Variants in LRRC9 observed in about 807,000 individuals in gnomAD.
LRRC9 encodes the protein leucine-rich repeat-containing protein 9.
A neutral mutation model predicts 63.2 loss-of-function variants in LRRC9; 122 were observed. That is an observed-to-expected ratio of 1.93 (90% confidence interval 1.67 to 2.24). The LOEUF is 2.24. LRRC9 is among the 30% of genes most tolerant of loss of function. LRRC9 has a pLI of 0.00. For missense variants in LRRC9, 1,071 were observed against 627.7 expected (o/e 1.71, Z -7.55); for synonymous variants, 366 against 213.1 (o/e 1.72, Z -6.25).
At chr14:59,953,793 G>T (rs1292570948) in intron 8 of LRRC9, among the ~76,000 whole-genome samples, 2 of 152,064 alleles carry the variant, frequency 1.3e-5, no homozygotes, top group African/African-American at 4.8e-5. Flanking sequence ...TATGGTTTTG[G>T]GTTTTACATT....
chr14:60,019,297 G>A (rs1041094495), intron 26 of LRRC9, 37 bp downstream of exon 26: 1 of 656,172 alleles, frequency 1.5e-6, no homozygotes, highest in African/African-American at 1.8e-5. Context: ...AACTAATTTT[G>A]GCTGGGAATT....
At chr14:59,993,904 C>T (rs925503663) in intron 17 of LRRC9, among the ~76,000 whole-genome samples, 1 of 152,110 alleles carries the variant, frequency 6.6e-6, no homozygotes, top group Admixed American at 6.5e-5. Flanking sequence ...GACAGATCAA[C>T]AAGACAGAAA....
rs1036207648 is a variant in LRRC9, at chr14:59,932,055, ATAAT to A, written c.543+22_543+25del. ...TTCTTTCAAGGTATGTTTAAGTGGA[ATAAT>A]TAATTTTTATTTATCATCCTGAATC... On this transcript the variant is annotated intron_variant, in intron 6 of 31. Coordinates refer to ENST00000445360, the Ensembl canonical transcript of LRRC9. The surrounding 1 kb of genome is among the most constrained non-coding windows in gnomAD (Gnocchi z 4.7). The A allele has an allele frequency of 1.0e-5, 7 of 693,590 alleles. No homozygotes were observed. The African/African-American group carries it at 1.1e-4, about 11-fold the overall frequency. The allele number at this position is 693,590 out of a possible 1,614,324, so 43.0% of individuals were successfully genotyped here. A position where few individuals can be genotyped will look rare whatever the true frequency, so the allele number is the denominator to read the frequency against.
At chr14:59,997,956 T>C in intron 18 of LRRC9, 109 bp downstream of exon 18, 2 of 564,446 alleles carry the variant, frequency 3.5e-6, no homozygotes, top group Non-Finnish European at 6.3e-6. Context: ...TATCTTCGTT[T>C]TTCTAGACTT....
downstream of LRRC9, among the ~76,000 whole-genome samples, chr14:60,066,267 A>G (rs1032085463): frequency 6.6e-6 from 1 of 151,910 alleles, no homozygotes; most frequent in Non-Finnish European, 1.5e-5. Flanking sequence ...TAACCCTTAT[A>G]TTTAAGTAAC....
At chr14:59,925,921 C>T (rs1469310798) in intron 1 of LRRC9, among the ~76,000 whole-genome samples, 3 of 152,118 alleles carry the variant, frequency 2.0e-5, no homozygotes, top group Non-Finnish European at 4.4e-5. Flanking sequence ...GGCAGTTTCC[C>T]CCATGTGTTC....
chr14:59,994,343 T>C (rs1189896151), intron 17 of LRRC9, among the ~76,000 whole-genome samples: 2 of 152,122 alleles, frequency 1.3e-5, no homozygotes, highest in Non-Finnish European at 2.9e-5. Flanking sequence ...ATGGCGATCA[T>C]TAAAAAGTCA....
intron 10 of LRRC9, among the ~76,000 whole-genome samples, chr14:59,965,806 C>A (rs1395797872): frequency 7.4e-6 from 1 of 134,896 alleles, no homozygotes; most frequent in Non-Finnish European, 1.5e-5. Flanking sequence ...TGGCGTGAAC[C>A]CGGGAGGCGG....
At chr14:60,025,655 G>T (rs1478687201) in intron 27 of LRRC9, among the ~76,000 whole-genome samples, 1 of 148,500 alleles carries the variant, frequency 6.7e-6, no homozygotes, top group East Asian at 2.0e-4. Context: ...ACTCTACATG[G>T]TAAGGATTGT....
In LRRC9 at chr14:60,053,204, C is replaced by T. The variant is rs1013653780; in HGVS notation, c.4130C>T (p.Ser1377Leu). The change falls in exon 30 of 32, where the codon TCG (serine) becomes TTG (leucine). Residue 1377 changes from serine to leucine, a missense_variant and splice_region_variant. By Grantham distance (145) the Ser-to-Leu change is moderately radical (BLOSUM62 -2). Transcript: ENST00000445360. The surrounding 1 kb of genome is among the most constrained non-coding windows in gnomAD (Gnocchi z 4.8). ...GCTGAACTACAAGCAAAGAAAAACT[C>T]GGTAATAATTATATTATTTACAATT... 7 of 695,768 alleles carry T rather than the reference C, an allele frequency of 1.0e-5. No homozygotes were observed. Among genetic ancestry groups the T allele is most frequent in the East Asian group, 2.7e-5 (1 of 37,216 alleles). The allele number at this position is 695,768 out of a possible 1,614,324, so 43.1% of individuals were successfully genotyped here.
intron 12 of LRRC9, among the ~76,000 whole-genome samples, chr14:59,974,217 TATA>T (rs1265384631): frequency 6.6e-6 from 1 of 152,100 alleles, no homozygotes; most frequent in African/African-American, 2.4e-5. Context: ...TCTTCACTGA[TATA>T]ATACCTCATT....
intron 29 of LRRC9, among the ~76,000 whole-genome samples, chr14:60,032,617 C>T (rs1361421060): frequency 6.6e-6 from 1 of 152,112 alleles, no homozygotes; most frequent in Non-Finnish European, 1.5e-5. Flanking sequence ...CACCCTTGTT[C>T]ACCCAATTTC....
At chr14:59,975,696 CAT>C (rs1449183214) in intron 13 of LRRC9, among the ~76,000 whole-genome samples, 1 of 152,134 alleles carries the variant, frequency 6.6e-6, no homozygotes, top group African/African-American at 2.4e-5. Flanking sequence ...TTAATAATCA[CAT>C]AAATATAAAA....
At chr14:60,008,339 C>A (rs1889983089) in intron 23 of LRRC9, 125 bp downstream of exon 23, 1 of 496,218 alleles carries the variant, frequency 2.0e-6, no homozygotes, top group African/African-American at 2.0e-5. Context: ...CTTATTAAAT[C>A]TAGGTCTCCA....
chr14:60,041,640 G>A (rs1007911531), intron 29 of LRRC9, among the ~76,000 whole-genome samples: 12 of 152,106 alleles, frequency 7.9e-5, no homozygotes, highest in South Asian at 2.1e-4. Context: ...TTAGCCATTC[G>A]TCTAATCCTT....
chr14:60,041,431 C>T (rs1017651951), intron 29 of LRRC9, among the ~76,000 whole-genome samples: 1 of 152,166 alleles, frequency 6.6e-6, no homozygotes, highest in South Asian at 2.1e-4. Context: ...CACATAGTCC[C>T]ATATTTTTTG....
chr14:60,053,026 G>T lies in LRRC9; in HGVS notation c.3991-39G>T, dbSNP rs1894006447. 1.5e-6 allele frequency: 1 copy of T among 680,024 alleles called. No homozygotes were observed. Among genetic ancestry groups the T allele is most frequent in the Non-Finnish European group, 2.7e-6 (1 of 373,036 alleles). The allele number at this position is 680,024 out of a possible 1,614,324, so 42.1% of individuals were successfully genotyped here. On this transcript the variant is annotated intron_variant, in intron 29 of 31. Transcript: ENST00000445360. The surrounding 1 kb of genome is among the most constrained non-coding windows in gnomAD (Gnocchi z 4.8). ...ATACAGGTTAATCTTTGAAATAAAA[G>T]TTTTGTAGGAATAAATTGTTATTTT...
rs1889320628 is a variant in LRRC9 at position 59,927,653 on chromosome 14, T to G, written c.-33-258T>G. Among the ~76,000 whole-genome samples the G allele has an allele frequency of 6.6e-6, 1 of 151,946 alleles. No individual in the cohort carries two copies. Among genetic ancestry groups the G allele is most frequent in the Admixed American group, 6.6e-5 (1 of 15,246 alleles). On this transcript the variant is annotated intron_variant, in intron 1 of 31. Transcript: ENST00000445360. The surrounding 1 kb of genome is among the most constrained non-coding windows in gnomAD (Gnocchi z 4.4). ...TTCTTCAAGTATTGAAGGCTCATCG[T>G]GTGGAAAAAAAGTTATACCGAGGAG... is the stretch of plus-strand genomic sequence containing the variant.
Position 59,960,968 on chromosome 14 carries a change from AT to A in LRRC9, c.1136del (p.Leu379Ter), listed in dbSNP as rs2139970850. The A allele has an allele frequency of 1.4e-6, 1 of 696,640 alleles. No homozygotes were observed. Among genetic ancestry groups the A allele is most frequent in the African/African-American group, 1.7e-5 (1 of 57,144 alleles). 43.2% of individuals were successfully genotyped at this position (696,640 alleles called of 1,614,324 possible). On this transcript the variant is annotated frameshift_variant, in exon 10 of 32. Coordinates refer to ENST00000445360, the Ensembl canonical transcript of LRRC9. LOFTEE classifies it high-confidence loss of function. ...AACAAAAGAAGAAAAGTCATGGCTT[AT>A]TGATCCCACTTTTGTTAATTGAGTT...
Sources: allele counts gnomAD v4.1 joint callset (sites outside exome capture counted in the v4.1 genomes callset), GRCh38; gene constraint gnomAD v4.1.1; non-coding constraint Gnocchi (gnomAD v3.1); transcripts MANE v1.5; gene names NCBI Gene and HGNC (gene_info 2026-07-23, HGNC 2026-07-21).